The following LAMC2 variants were observed in gnomAD, a reference collection of about 807,000 sequenced individuals.
LAMC2 encodes laminin subunit gamma 2.
Under a neutral mutation model 140.2 loss-of-function variants are expected in LAMC2, and 97 were observed. That is an observed-to-expected ratio of 0.69 (90% CI 0.59 to 0.82). LAMC2 has a LOEUF of 0.82. LAMC2 is among the 40% of genes least tolerant of loss of function. The pLI, the probability that LAMC2 is intolerant of heterozygous loss-of-function variation, is 0.00. For missense variants in LAMC2, 1,402 were observed against 1,476.1 expected, an observed-to-expected ratio of 0.95 and a Z score of 0.82; for synonymous variants, 513 against 540.2, an observed-to-expected ratio of 0.95 and a Z score of 0.70.
In LAMC2 at chr1:183,208,033, A is replaced by G; in HGVS notation, c.232A>G (p.Arg78Gly). Residue 78 changes from arginine (R) to glycine (G), a missense_variant, in exon 2 of 23, where the codon AGG becomes GGG. This residue lies in a region of LAMC2 where 723 missense variants were observed against 783.3 expected (regional missense o/e 0.92). Coordinates refer to ENST00000264144, the MANE Select transcript of LAMC2 (RefSeq NM_005562.3). ...GAATGGCTTTTACCGGCACAGAGAA[A>G]GGGACCGCTGTTTGCCCTGCAATTG... is the stretch of plus-strand genomic sequence containing the variant. ...CKNGFYRHRERDRCLPCNCNS... is the reference protein window; with the variant it reads ...CKNGFYRHREGDRCLPCNCNS... The G allele has an allele frequency of 2.5e-6, 4 of 1,614,174 alleles. No homozygotes were observed. The highest frequency in any genetic ancestry group is 3.4e-6 in the Non-Finnish European group (4 of 1,180,020).
At chr1:183,230,257 G>A (rs1356290254) in intron 11 of LAMC2, among the ~76,000 whole-genome samples, 5 of 152,106 alleles carry the variant, frequency 3.3e-5, no homozygotes, top group Admixed American at 1.3e-4. Context: ...CCCAACTCTC[G>A]AAGAGTCCGT....
intron 1 of LAMC2, 126 bp downstream of exon 1, chr1:183,186,557 T>A (rs1658158587): frequency 2.0e-6 from 2 of 1,008,006 alleles, no homozygotes; most frequent in Non-Finnish European, 2.9e-6. Context: ...TAGAGCTCCC[T>A]TCTCCTCCCC....
In LAMC2 at chr1:183,222,133, A is replaced by G; in HGVS notation, c.685A>G (p.Lys229Glu). 2 of 1,614,128 alleles carry G rather than the reference A, an allele frequency of 1.2e-6. No individual in the cohort carries two copies. The highest frequency in any genetic ancestry group is 2.2e-5 in the South Asian group (2 of 91,076). ...KAVQRNGSPA[K>E]LQWSQRHQDV... ...TGTCCAACGAAATGGGTCTCCTGCA[A>G]AGCTCCAATGGTCACAGCGCCATCA... is the stretch of plus-strand genomic sequence containing the variant. The change falls in exon 6 of 23, where the codon AAG becomes GAG. Residue 229 changes from lysine (K) to glutamate (E), a missense_variant. Coordinates refer to ENST00000264144, the MANE Select transcript of LAMC2 (RefSeq NM_005562.3).
the LAMC2 span, among the ~76,000 whole-genome samples, chr1:183,255,545 C>A: frequency 6.6e-6 from 1 of 152,042 alleles, no homozygotes; most frequent in African/African-American, 2.4e-5. Context: ...CTTTTCTGAT[C>A]CATGAGCATG....
chr1:183,244,775 C>A lies in LAMC2; in HGVS notation c.*1375C>A, dbSNP rs528207727. The A allele has an allele frequency of 1.3e-5, 2 of 152,726 alleles. No individual in the cohort carries two copies. Among genetic ancestry groups the A allele is most frequent in the Non-Finnish European group, 2.9e-5 (2 of 68,036 alleles). The allele number at this position is 152,726 out of a possible 1,614,324, so 9.5% of individuals were successfully genotyped here. A position where few individuals can be genotyped will look rare whatever the true frequency, so the allele number is the denominator to read the frequency against. On this transcript the variant is annotated 3_prime_UTR_variant, in exon 23 of 23. Coordinates refer to ENST00000264144, the MANE Select transcript of LAMC2 (RefSeq NM_005562.3). ...AACAGACTGTTGAGTTATGATAACA[C>A]CAGTGGGAATTGCTGGAGGAACCAG...
At position 183,221,807 on chromosome 1, in the gene LAMC2, CA is replaced by C. The variant is rs1012639427; in HGVS notation, c.641-275del. On this transcript the variant is annotated intron_variant, in intron 5 of 22. Coordinates refer to ENST00000264144, the MANE Select transcript of LAMC2 (RefSeq NM_005562.3). ...AAGGTGAGAGCTTTTTATATAAATA[CA>C]AAAAAATGCAAATTACAGGCAGAAG... Among the ~76,000 whole-genome samples, 7 of 151,270 alleles carry C rather than the reference CA, an allele frequency of 4.6e-5. No homozygotes were observed. In the South Asian group the frequency reaches 8.4e-4, roughly 18 times the overall value.
chr1:183,204,966 G>C (rs555990630), intron 1 of LAMC2, among the ~76,000 whole-genome samples: 13 of 152,174 alleles, frequency 8.5e-5, no homozygotes, highest in African/African-American at 3.1e-4. Flanking sequence ...GGGATTACAG[G>C]CACCTGCCAC....
chr1:183,228,693 G>A lies in LAMC2; in HGVS notation c.1714+74G>A, dbSNP rs7537499. 11,038 of 1,577,606 alleles carry A rather than the reference G, an allele frequency of 7.0e-3. 543 individuals carry two copies. The African/African-American group carries it at 0.12, about 17-fold the overall frequency. On this transcript the variant is annotated intron_variant, in intron 11 of 22. Coordinates refer to ENST00000264144, the MANE Select transcript of LAMC2 (RefSeq NM_005562.3). This position sits in a 1 kb window ranked among gnomAD's most constrained non-coding sequence, Gnocchi z 4.3. ...ATGCACTTGCTTGCCATCTAAGCAGGGACAATGGCAGTTCATATCATGATG... is the reference window on the plus strand; with the variant it reads ...ATGCACTTGCTTGCCATCTAAGCAGAGACAATGGCAGTTCATATCATGATG...
In LAMC2 at chr1:183,243,413, T is replaced by C; in HGVS notation, c.*13T>C. 6.2e-7 allele frequency: 1 copy of C among 1,613,982 alleles called. No individual in the cohort carries two copies. The highest frequency in any genetic ancestry group is 1.7e-5 in the Admixed American group (1 of 60,010). ...TGAGCAACAGTGAAGCTGCCATAAATATTTCTCAACTGAGGTTCTTGGGAT... is the reference window on the plus strand; with the variant it reads ...TGAGCAACAGTGAAGCTGCCATAAACATTTCTCAACTGAGGTTCTTGGGAT... On this transcript the variant is annotated 3_prime_UTR_variant, in exon 23 of 23. Coordinates refer to ENST00000264144, the MANE Select transcript of LAMC2 (RefSeq NM_005562.3).
chr1:183,234,471 T>G (rs778467731), intron 15 of LAMC2, 25 bp downstream of exon 15: 140 of 1,582,726 alleles, frequency 8.8e-5, no homozygotes, highest in Non-Finnish European at 1.2e-4. Flanking sequence ...AGGGCACCTC[T>G]GCTTCAAGCC....
the LAMC2 span, among the ~76,000 whole-genome samples, chr1:183,257,122 C>G: frequency 2.0e-5 from 3 of 152,096 alleles, no homozygotes; most frequent in Admixed American, 2.0e-4. Context: ...AGGAGGTATT[C>G]CTTCCAGCTG....
At chr1:183,213,727 G>C (rs887562655) in intron 2 of LAMC2, among the ~76,000 whole-genome samples, 1 of 141,110 alleles carries the variant, frequency 7.1e-6, no homozygotes, top group Non-Finnish European at 1.5e-5. Flanking sequence ...TTGAACCAGG[G>C]AGGCAGAGGT....
At chr1:183,255,659 AGGGTTTTTT>A in the LAMC2 span, among the ~76,000 whole-genome samples, 5,498 of 130,700 alleles carry the variant, frequency 0.042, 359 homozygotes, top group African/African-American at 0.14. Flanking sequence ...TTTATTCCTA[AGGGTTTTTT>A]TTTTTTTTTT....
chr1:183,187,619 A>G (rs1025271204), intron 1 of LAMC2, among the ~76,000 whole-genome samples: 2 of 152,068 alleles, frequency 1.3e-5, no homozygotes, highest in African/African-American at 4.8e-5. Context: ...TTAAATATAT[A>G]TAGTTTTAAA....
chr1:183,201,560 T>C (rs536765163), intron 1 of LAMC2, among the ~76,000 whole-genome samples: 1 of 152,268 alleles, frequency 6.6e-6, no homozygotes, highest in East Asian at 1.9e-4. Context: ...TAGGAAAACA[T>C]GGATAATATG....
chr1:183,205,804 T>A (rs930420546), intron 1 of LAMC2, among the ~76,000 whole-genome samples: 1 of 150,360 alleles, frequency 6.7e-6, no homozygotes, highest in South Asian at 2.1e-4. Context: ...AGAGTAGGGG[T>A]GTGTGTGTGT....
chr1:183,232,836 T>C lies in LAMC2; in HGVS notation c.2199T>C (p.Ser733=). Residue 733 remains serine (S), a synonymous_variant, in exon 14 of 23, where the codon AGT becomes AGC. Coordinates refer to ENST00000264144, the MANE Select transcript of LAMC2 (RefSeq NM_005562.3). The part of the protein sequence containing the change: ...ITQMQLSLAE[S]EASLGNTNIP... ...AGATGCAGCTGAGCCTGGCAGAAAG[T>C]GAAGCTTCCTTGGGAAACACTGTAG... 6.2e-7 allele frequency: 1 copy of C among 1,614,076 alleles called. No individual in the cohort carries two copies. The highest frequency in any genetic ancestry group is 8.5e-7 in the Non-Finnish European group (1 of 1,179,964).
the LAMC2 span, among the ~76,000 whole-genome samples, chr1:183,255,100 G>A: frequency 6.6e-6 from 1 of 152,198 alleles, no homozygotes; most frequent in African/African-American, 2.4e-5. Context: ...TGTGACTGGT[G>A]TGAGATAAGG....
chr1:183,235,778 C>A (rs1434966546), intron 16 of LAMC2, 48 bp downstream of exon 16: 2 of 1,605,186 alleles, frequency 1.2e-6, no homozygotes. Context: ...TTGGATACTC[C>A]CAGGGCAAAA....
Sources: allele counts gnomAD v4.1 joint callset (sites outside exome capture counted in the v4.1 genomes callset), GRCh38; gene constraint gnomAD v4.1.1; regional missense constraint gnomAD v4.1.1; non-coding constraint Gnocchi (gnomAD v3.1); transcripts MANE v1.5; gene names NCBI Gene and HGNC (gene_info 2026-07-23, HGNC 2026-07-21).